Variants in NRXN1 observed in about 807,000 individuals in gnomAD.
The protein encoded by NRXN1 is neurexin-1.
Under a neutral mutation model 150.9 loss-of-function variants are expected in NRXN1, and 39 were observed. That is an observed-to-expected ratio of 0.26 (90% CI 0.20 to 0.34). The LOEUF (loss-of-function observed/expected upper bound fraction) is 0.34. NRXN1 is among the 10% of genes least tolerant of loss of function. The probability of loss-of-function intolerance (pLI) is 1.00; values close to 1 mark genes in which losing one functional copy is unlikely to be tolerated. For missense variants in NRXN1, 1,815 were observed against 1,949.9 expected (o/e 0.93, Z 1.30); for synonymous variants, 924 against 757.0 (o/e 1.22, Z -3.62).
chr2:50,404,552 G>A (rs1483026317), intron 17 of NRXN1, among the ~76,000 whole-genome samples: 1 of 152,034 alleles, frequency 6.6e-6, no homozygotes, highest in East Asian at 1.9e-4. Context: ...ACCTTTCTGG[G>A]TCCATTAAGC....
At chr2:50,899,847 G>C (rs1682643446) in intron 5 of NRXN1, among the ~76,000 whole-genome samples, 1 of 152,110 alleles carries the variant, frequency 6.6e-6, no homozygotes, top group Non-Finnish European at 1.5e-5. Context: ...ATAAACGTCA[G>C]GTTGTTGAAA....
chr2:49,961,379 G>T (rs1675932543), intron 21 of NRXN1, among the ~76,000 whole-genome samples: 1 of 151,494 alleles, frequency 6.6e-6, no homozygotes, highest in Non-Finnish European at 1.5e-5. Flanking sequence ...CCTCCTTGTT[G>T]TAACATTTTG....
At chr2:49,983,296 A>G (rs1680295070) in intron 21 of NRXN1, among the ~76,000 whole-genome samples, 1 of 152,342 alleles carries the variant, frequency 6.6e-6, no homozygotes, top group South Asian at 2.1e-4. Context: ...GGGGCTGGTT[A>G]TATTAGACAT....
chr2:50,514,331 T>C (rs2092562453), intron 12 of NRXN1, among the ~76,000 whole-genome samples: 1 of 152,192 alleles, frequency 6.6e-6, no homozygotes, highest in African/African-American at 2.4e-5. Flanking sequence ...GAAGAGAAGT[T>C]ACAGTACCAT....
intron 18 of NRXN1, among the ~76,000 whole-genome samples, chr2:50,200,692 T>TAAAGAAGTAAATATAACCCAGA (rs1559079522): frequency 6.6e-6 from 1 of 152,132 alleles, no homozygotes; most frequent in Non-Finnish European, 1.5e-5. Context: ...CTCTAGACTG[T>TAAAGAAGTAAATATAACCCAGA]TTCTGCAAGA....
At chr2:50,010,629 G>C (rs1472690461) in intron 21 of NRXN1, among the ~76,000 whole-genome samples, 1 of 152,118 alleles carries the variant, frequency 6.6e-6, no homozygotes, top group Admixed American at 6.6e-5. Context: ...TAGCAGGCCA[G>C]AGAATGAGGT....
At chr2:50,464,316 G>C (rs752702968) in intron 17 of NRXN1, 21 of 151,690 alleles carry the variant, frequency 1.4e-4, no homozygotes, top group Admixed American at 3.9e-4. Flanking sequence ...ACTCTGTATT[G>C]GTTGTGCGTT....
At chr2:50,524,540 G>A (rs2092890670) in intron 12 of NRXN1, among the ~76,000 whole-genome samples, 1 of 151,340 alleles carries the variant, frequency 6.6e-6, no homozygotes, top group South Asian at 2.1e-4. Flanking sequence ...TAAACGAAGT[G>A]TCCCTAAGCC....
intron 13 of NRXN1, among the ~76,000 whole-genome samples, chr2:50,499,567 A>G (rs1175558341): frequency 6.8e-6 from 1 of 147,722 alleles, no homozygotes; most frequent in Non-Finnish European, 1.5e-5. Flanking sequence ...AAAAAATAAA[A>G]TTAATCCTTA....
intron 18 of NRXN1, 86 bp from the exon 19 acceptor site, chr2:50,091,580 A>G: frequency 7.0e-7 from 1 of 1,426,552 alleles, no homozygotes; most frequent in Non-Finnish European, 9.8e-7. Context: ...TTGTTTTAAA[A>G]TGTGCTTTGG....
At chr2:50,257,989 T>C (rs2067879005) in intron 17 of NRXN1, among the ~76,000 whole-genome samples, 1 of 152,040 alleles carries the variant, frequency 6.6e-6, no homozygotes, top group Non-Finnish European at 1.5e-5. Context: ...ACAAACAATG[T>C]ATATAACTTA....
intron 5 of NRXN1, among the ~76,000 whole-genome samples, chr2:50,741,693 T>C (rs1354766750): frequency 6.6e-6 from 1 of 152,176 alleles, no homozygotes; most frequent in Non-Finnish European, 1.5e-5. Flanking sequence ...ATGATACTTC[T>C]TTTCCTTTCC....
chr2:50,689,939 T>G (rs569789029), intron 5 of NRXN1, among the ~76,000 whole-genome samples: 90 of 149,526 alleles, frequency 6.0e-4, no homozygotes, highest in Non-Finnish European at 1.2e-3. Flanking sequence ...CAGGCTGCAG[T>G]GCAATGGTGC....
intron 17 of NRXN1, among the ~76,000 whole-genome samples, chr2:50,327,655 C>CT (rs994330343): frequency 1.7e-4 from 25 of 148,714 alleles, no homozygotes; most frequent in East Asian, 6.0e-4. Context: ...TCCTTTCTTT[C>CT]TTTTTTTTTG....
chr2:50,977,726 TA>T (rs1370402371), intron 2 of NRXN1, among the ~76,000 whole-genome samples: 2 of 151,878 alleles, frequency 1.3e-5, no homozygotes, highest in Non-Finnish European at 2.9e-5. Flanking sequence ...CTTATCTTTC[TA>T]AAAACCAAAG....
At chr2:50,264,594 T>G (rs2152916671) in intron 17 of NRXN1, among the ~76,000 whole-genome samples, 1 of 152,064 alleles carries the variant, frequency 6.6e-6, no homozygotes, top group South Asian at 2.1e-4. Context: ...AATAAATCAA[T>G]GCAAGAGGTG....
At chr2:50,128,429 T>C (rs568758079) in intron 18 of NRXN1, among the ~76,000 whole-genome samples, 2 of 152,266 alleles carry the variant, frequency 1.3e-5, no homozygotes, top group African/African-American at 4.8e-5. Context: ...TCAGGAAACA[T>C]GTGAGTAAAA....
intron 19 of NRXN1, 46 bp from the exon 20 acceptor site, chr2:50,055,090 C>T (rs1573637272): frequency 6.7e-6 from 9 of 1,335,536 alleles, no homozygotes; most frequent in African/African-American, 1.5e-5. Flanking sequence ...TCTGTAAGGT[C>T]AAAGGTTAAA....
intron 22 of NRXN1, among the ~76,000 whole-genome samples, chr2:49,931,033 G>A (rs138555326): frequency 2.1e-3 from 315 of 152,302 alleles, no homozygotes; most frequent in African/African-American, 6.8e-3. Context: ...ACTCGAGTCC[G>A]AGGTGGGAGG....
Sources: gnomAD v4.1 joint callset for allele counts (sites outside exome capture counted in the v4.1 genomes callset) on GRCh38, gnomAD v4.1.1 for gene constraint, MANE v1.5 for transcripts, NCBI Gene and HGNC (gene_info 2026-07-23, HGNC 2026-07-21) for gene names.